The following CACNA2D4 variants were observed in gnomAD, a reference collection of about 807,000 sequenced individuals.
The protein encoded by CACNA2D4 is calcium voltage-gated channel auxiliary subunit alpha2delta 4, also known as voltage-dependent calcium channel subunit alpha-2/delta-4.
A neutral mutation model predicts 163.8 loss-of-function variants in CACNA2D4; 157 were observed. The observed-to-expected ratio is 0.96, with a 90% CI of 0.84 to 1.09. The LOEUF is 1.09. Among genes scored for constraint, CACNA2D4 ranks in the 50% least tolerant of loss-of-function variants. The pLI, the probability that CACNA2D4 is intolerant of heterozygous loss-of-function variation, is 0.00. For missense variants in CACNA2D4, 1,410 were observed against 1,479.9 expected (o/e 0.95, Z 0.78); for synonymous variants, 598 against 586.9 (o/e 1.02, Z -0.27).
chr12:1,856,045 G>A lies in CACNA2D4; in HGVS notation c.2119C>T (p.Arg707Cys), dbSNP rs369720566. 124 of 1,613,868 alleles carry A rather than the reference G, an allele frequency of 7.7e-5. No homozygotes were observed. The Middle Eastern group carries it at 1.2e-3, about 15-fold the overall frequency. The change falls in exon 22 of 38, where the codon CGC becomes TGC. Residue 707 changes from arginine to cysteine, a missense_variant. Transcript: ENST00000382722. Reference protein sequence around the residue: ...RKLSQLEAMIRFLTRKDPDLE... With the variant: ...RKLSQLEAMICFLTRKDPDLE... ...TCTGGGTCCTTCCTGGTGAGGAAGC[G>A]GATCATGGCCTCTAGCTGGCTGAGC...
intron 26 of CACNA2D4, among the ~76,000 whole-genome samples, chr12:1,826,615 C>G (rs887865414): frequency 1.3e-5 from 2 of 152,234 alleles, no homozygotes; most frequent in Non-Finnish European, 2.9e-5. Flanking sequence ...CCTGCGGGGC[C>G]TTCGGCAGAC....
intron 26 of CACNA2D4, among the ~76,000 whole-genome samples, chr12:1,825,778 G>A (rs1181967577): frequency 6.6e-6 from 1 of 152,218 alleles, no homozygotes; most frequent in African/African-American, 2.4e-5. Flanking sequence ...GGCCACTGCT[G>A]GGTGACAGTC....
At chr12:1,817,040 T>C (rs1308729575) in intron 26 of CACNA2D4, among the ~76,000 whole-genome samples, 1 of 152,248 alleles carries the variant, frequency 6.6e-6, no homozygotes, top group East Asian at 1.9e-4. Context: ...TCTGCTTCTC[T>C]TTCCTCCTCC....
Position 1,834,219 on chromosome 12 carries a change from CA to C in CACNA2D4, c.2551+6519del, listed in dbSNP as rs1864751221. On this transcript the variant is annotated intron_variant, in intron 26 of 37. Coordinates refer to ENST00000382722, the MANE Select transcript of CACNA2D4 (RefSeq NM_172364.5). This position sits in a 1 kb window ranked among gnomAD's most constrained non-coding sequence, Gnocchi z 7.6. ...GAGCTGGGGATGGGGAGAGGGAGTGCAAGTTCTAGATGCCTGGTCAGCCCCT... is the reference window on the plus strand; with the variant it reads ...GAGCTGGGGATGGGGAGAGGGAGTGCAGTTCTAGATGCCTGGTCAGCCCCT... The C allele has an allele frequency of 1.3e-6, 2 of 1,513,376 alleles. No homozygotes were observed. Among genetic ancestry groups the C allele is most frequent in the Non-Finnish European group, 1.8e-6 (2 of 1,131,380 alleles). The allele number at this position is 1,513,376 out of a possible 1,614,324, so 93.7% of individuals were successfully genotyped here.
chr12:1,828,194 C>G lies in CACNA2D4; in HGVS notation c.2551+12545G>C. 1 of 1,547,172 alleles carries G rather than the reference C, an allele frequency of 6.5e-7. No homozygotes were observed. Among genetic ancestry groups the G allele is most frequent in the East Asian group, 2.5e-5 (1 of 40,700 alleles). On this transcript the variant is annotated intron_variant, in intron 26 of 37. Transcript: ENST00000382722. This position sits in a 1 kb window ranked among gnomAD's most constrained non-coding sequence, Gnocchi z 4.2. ...CCCTGGGCAGAGGGGCAGGCTCGCC[C>G]TGCAGTGGAGGCAAGTCTCCTGTGA...
chr12:1,831,591 C>CT, intron 26 of CACNA2D4: 1 of 1,353,878 alleles, frequency 7.4e-7, no homozygotes, highest in Non-Finnish European at 1.0e-6. Context: ...CCACACTTTC[C>CT]TCCTGGTGGC....
At chr12:1,866,284 A>G (rs999249754) in intron 18 of CACNA2D4, among the ~76,000 whole-genome samples, 3 of 151,980 alleles carry the variant, frequency 2.0e-5, no homozygotes, top group African/African-American at 7.3e-5. Flanking sequence ...TGACTGATTA[A>G]TTTTTTCAAT....
At position 1,882,987 on chromosome 12, in the gene CACNA2D4, C is replaced by A; in HGVS notation, c.1365G>T (p.Gln455His). The change falls in exon 13 of 38, where the codon CAG becomes CAT. Residue 455 changes from glutamine to histidine, a missense_variant. Physicochemically the swap from Gln to His is conservative, Grantham distance 24. Transcript: ENST00000382722. ...IACNNKGYYT[Q>H]ISTLADTQEN... ...CCTGGGTGTCCGCCAGCGTTGAGAT[C>A]TGCGTGTAGTAGCCTGCGGTGGGGA... The A allele has an allele frequency of 6.2e-7, 1 of 1,612,964 alleles. No individual in the cohort carries two copies. The highest frequency in any genetic ancestry group is 2.2e-5 in the East Asian group (1 of 44,848).
intron 37 of CACNA2D4, 69 bp downstream of exon 37, chr12:1,795,230 G>C (rs1370433221): frequency 3.5e-6 from 5 of 1,422,210 alleles, no homozygotes; most frequent in Non-Finnish European, 4.9e-6. Flanking sequence ...GTCTGCAGGG[G>C]CACAGACCCA....
intron 11 of CACNA2D4, 40 bp downstream of exon 11, chr12:1,884,728 G>T: frequency 7.3e-7 from 1 of 1,362,876 alleles, no homozygotes; most frequent in East Asian, 2.3e-5. Context: ...ATGGCAGCAG[G>T]AGAAGCTTTT....
chr12:1,807,754 T>G (rs1482363116), intron 29 of CACNA2D4, among the ~76,000 whole-genome samples: 1 of 152,126 alleles, frequency 6.6e-6, no homozygotes, highest in African/African-American at 2.4e-5. Flanking sequence ...CAGTTCAGGC[T>G]GCATGGTCAG....
intron 4 of CACNA2D4, among the ~76,000 whole-genome samples, chr12:1,909,285 G>A (rs1866754480): frequency 2.0e-5 from 3 of 152,198 alleles, no homozygotes; most frequent in Admixed American, 2.0e-4. Context: ...TCCGCCTCCC[G>A]GGTTCACGCC....
In CACNA2D4 at chr12:1,869,809, TCCCTCATTATGAACATCTTTTC is replaced by T. The variant is rs1277972567; in HGVS notation, c.1878+4773_1878+4794del. Among the ~76,000 whole-genome samples the T allele has an allele frequency of 7.2e-5, 11 of 152,334 alleles. No homozygotes were observed. Among genetic ancestry groups the T allele is most frequent in the African/African-American group, 2.6e-4 (11 of 41,584 alleles). Reference sequence around the variant, plus strand: ...TTCTCCGCTGAGATTCTCCATCTGTTCCCTCATTATGAACATCTTTTCCTTTACACAGTTACAATGTCTGCAC... The same window carrying T: ...TTCTCCGCTGAGATTCTCCATCTGTTCTTTACACAGTTACAATGTCTGCAC... On this transcript the variant is annotated intron_variant, in intron 18 of 37. Transcript: ENST00000382722. The surrounding 1 kb of genome is among the most constrained non-coding windows in gnomAD (Gnocchi z 4.7).
At chr12:1,894,524 C>T (rs1866357405) in intron 6 of CACNA2D4, among the ~76,000 whole-genome samples, 1 of 152,052 alleles carries the variant, frequency 6.6e-6, no homozygotes, top group Admixed American at 6.6e-5. Flanking sequence ...AACAGCACAT[C>T]AAAAATATAA....
intron 13 of CACNA2D4, among the ~76,000 whole-genome samples, chr12:1,881,875 AG>A (rs1866009076): frequency 6.6e-6 from 1 of 152,274 alleles, no homozygotes; most frequent in Non-Finnish European, 1.5e-5. Context: ...TACTATTAAC[AG>A]GTGGAGGTAA....
intron 26 of CACNA2D4, among the ~76,000 whole-genome samples, chr12:1,818,271 GC>G (rs1169184646): frequency 1.3e-5 from 2 of 151,748 alleles, no homozygotes; most frequent in East Asian, 3.9e-4. Context: ...TGGGAGGTGT[GC>G]CCAACAGCTC....
intron 26 of CACNA2D4, chr12:1,831,521 C>A: frequency 6.2e-7 from 1 of 1,611,182 alleles, no homozygotes; most frequent in Non-Finnish European, 8.5e-7. Context: ...GGTTCTCCTA[C>A]CGAGGTGAGC....
rs1221788761 is a variant in CACNA2D4, at chr12:1,829,445, T to C, written c.2551+11294A>G. Among the ~76,000 whole-genome samples, 1 of 151,390 alleles carries C rather than the reference T, an allele frequency of 6.6e-6. No individual in the cohort carries two copies. The highest frequency in any genetic ancestry group is 1.5e-5 in the Non-Finnish European group (1 of 67,840). On this transcript the variant is annotated intron_variant, in intron 26 of 37. Coordinates refer to ENST00000382722, the MANE Select transcript of CACNA2D4 (RefSeq NM_172364.5). This position sits in a 1 kb window ranked among gnomAD's most constrained non-coding sequence, Gnocchi z 4.2. ...TAACCCAAGATGGCCAGAAAAAGGG[T>C]CTCCGGTGGCTTCCATGGCTGTACC...
chr12:1,917,789 C>T lies in CACNA2D4; in HGVS notation c.227+458G>A, dbSNP rs1592757761. 6.6e-6 allele frequency among the ~76,000 whole-genome samples: 1 copy of T among 152,210 alleles called. No individual in the cohort carries two copies. The highest frequency in any genetic ancestry group is 2.4e-5 in the African/African-American group (1 of 41,450). On this transcript the variant is annotated intron_variant, in intron 1 of 37. Coordinates refer to ENST00000382722, the MANE Select transcript of CACNA2D4 (RefSeq NM_172364.5). The surrounding 1 kb of genome is among the most constrained non-coding windows in gnomAD (Gnocchi z 4.3). ...CAAGCCACCTCCTGTGCGCATGAGA[C>T]GTTCTGTGGGTTCAGAACTGCTTCC...
Sources: gnomAD v4.1 joint callset for allele counts (sites outside exome capture counted in the v4.1 genomes callset) on GRCh38, gnomAD v4.1.1 for gene constraint, Gnocchi (gnomAD v3.1) non-coding constraint, MANE v1.5 for transcripts, NCBI Gene and HGNC (gene_info 2026-07-23, HGNC 2026-07-21) for gene names.